FOCAD: variants seen among roughly 807,000 people sequenced by gnomAD.
The protein encoded by FOCAD is KIAA1797.
In FOCAD, 198 loss-of-function variants were observed where a neutral mutation model predicts 225.6. That is an observed-to-expected ratio of 0.88 (90% CI 0.78 to 0.99). The LOEUF (loss-of-function observed/expected upper bound fraction) is 0.99. Among genes scored for constraint, FOCAD ranks in the 50% least tolerant of loss-of-function variants. FOCAD has a pLI of 0.00. For missense variants in FOCAD, 2,713 were observed against 2,123.6 expected, an observed-to-expected ratio of 1.28 and a Z score of -5.46; for synonymous variants, 897 against 755.0, an observed-to-expected ratio of 1.19 and a Z score of -3.08.
At chr9:20,862,775 C>G in intron 16 of FOCAD, 63 bp downstream of exon 16, 1 of 1,539,604 alleles carries the variant, frequency 6.5e-7, no homozygotes, top group East Asian at 2.3e-5. Context: ...GTTATAATAA[C>G]TTTTGGAATA....
In FOCAD at chr9:20,982,437, G is replaced by C. The variant is rs1206846641; in HGVS notation, c.4719G>C (p.Gln1573His). The C allele has an allele frequency of 2.5e-6, 4 of 1,612,664 alleles. No homozygotes were observed. Among genetic ancestry groups the C allele is most frequent in the Admixed American group, 3.3e-5 (2 of 59,996 alleles). Residue 1573 changes from glutamine (Q) to histidine (H), a missense_variant, in exon 39 of 44, where the codon CAG (glutamine) becomes CAC (histidine). Gln to His is a conservative substitution (Grantham distance 24, BLOSUM62 0). Transcript: ENST00000338382. The part of the protein sequence containing the change: ...MTDDDANRIA[Q>H]VTKSNIEKAA... ...ATGATGATGCCAATCGGATCGCCCA[G>C]GTTACTAAGGTAATAACATATCTTT...
chr9:20,924,778 G>T (rs1834785609), intron 25 of FOCAD, among the ~76,000 whole-genome samples: 1 of 152,160 alleles, frequency 6.6e-6, no homozygotes, highest in South Asian at 2.1e-4. Context: ...TGTATTTTGG[G>T]AAGAACAAGA....
intron 14 of FOCAD, among the ~76,000 whole-genome samples, chr9:20,822,320 T>G (rs540821127): frequency 1.3e-5 from 2 of 152,168 alleles, no homozygotes; most frequent in East Asian, 3.9e-4. Flanking sequence ...TACATTTTGT[T>G]AATAAAAGAA....
intron 20 of FOCAD, 80 bp downstream of exon 20, chr9:20,882,136 G>T (rs1256334977): frequency 1.6e-6 from 2 of 1,270,662 alleles, no homozygotes; most frequent in Non-Finnish European, 2.2e-6. Context: ...GATATAATGG[G>T]CCATGGCAGG....
chr9:20,986,452 C>G lies in FOCAD; in HGVS notation c.4893C>G (p.Ser1631Arg). 4 of 1,609,552 alleles carry G rather than the reference C, an allele frequency of 2.5e-6. No individual in the cohort carries two copies. The highest frequency in any genetic ancestry group is 3.4e-6 in the Non-Finnish European group (4 of 1,178,392). Reference sequence around the variant, plus strand: ...GCTTATACCAGGCACGGATTGTGAGCCATGCCAATACGGGTGAGGACACCC... The same window carrying G: ...GCTTATACCAGGCACGGATTGTGAGGCATGCCAATACGGGTGAGGACACCC... ...LHSLYQARIV[S>R]HANTGVLKRM... Residue 1631 changes from serine to arginine, a missense_variant, in exon 40 of 44, where the codon AGC becomes AGG. Coordinates refer to ENST00000338382, the MANE Select transcript of FOCAD (RefSeq NM_001375567.1).
chr9:20,901,262 A>G (rs1410314178), intron 21 of FOCAD, among the ~76,000 whole-genome samples: 2 of 149,752 alleles, frequency 1.3e-5, no homozygotes, highest in East Asian at 2.0e-4. Flanking sequence ...GTGGTTCAGT[A>G]TGCATATGTG....
At chr9:20,776,479 T>C (rs1818767800) in intron 8 of FOCAD, among the ~76,000 whole-genome samples, 1 of 152,208 alleles carries the variant, frequency 6.6e-6, no homozygotes, top group South Asian at 2.1e-4. Flanking sequence ...ATCAAAAAAC[T>C]TGTAACCACT....
intron 4 of FOCAD, among the ~76,000 whole-genome samples, chr9:20,737,101 A>G (rs563854896): frequency 6.7e-6 from 1 of 148,362 alleles, no homozygotes; most frequent in African/African-American, 2.5e-5. Context: ...CTTGCTGAAA[A>G]TACAGCATTG....
At chr9:20,983,751 C>G (rs1293308266) in intron 39 of FOCAD, among the ~76,000 whole-genome samples, 1 of 152,060 alleles carries the variant, frequency 6.6e-6, no homozygotes, top group African/African-American at 2.4e-5. Flanking sequence ...TTCATAAGCT[C>G]TCTGCCTCAG....
intron 6 of FOCAD, among the ~76,000 whole-genome samples, chr9:20,760,771 C>G (rs375394907): frequency 9.9e-5 from 15 of 152,210 alleles, no homozygotes; most frequent in African/African-American, 3.4e-4. Flanking sequence ...TCATTATTCT[C>G]TGTATTAGTG....
In FOCAD at chr9:20,764,962, AG is replaced by A; in HGVS notation, c.589del (p.Ala197ProfsTer3). 1 of 1,614,136 alleles carries A rather than the reference AG, an allele frequency of 6.2e-7. No homozygotes were observed. Among genetic ancestry groups the A allele is most frequent in the Non-Finnish European group, 8.5e-7 (1 of 1,180,014 alleles). On this transcript the variant is annotated frameshift_variant, in exon 7 of 44. Transcript: ENST00000338382. LOFTEE classifies it high-confidence loss of function. ...QLQEYAKLRL[A>X]LLKVLLQPQV... ...TACAAGAATATGCTAAACTCCGACT[AG>A]CCCTGCTGAAAGTCTTACTTCAACC...
intron 39 of FOCAD, 102 bp from the exon 40 acceptor site, chr9:20,986,186 A>G (rs550438483): frequency 6.4e-6 from 7 of 1,099,528 alleles, no homozygotes; most frequent in Admixed American, 3.1e-5. Flanking sequence ...ACAGAATAGT[A>G]ACATCCAACT....
chr9:20,723,454 A>C (rs894024228), intron 4 of FOCAD, among the ~76,000 whole-genome samples: 1 of 152,194 alleles, frequency 6.6e-6, no homozygotes, highest in Non-Finnish European at 1.5e-5. Flanking sequence ...AAATTGCACC[A>C]CTGCACTCCA....
In FOCAD at chr9:20,981,525, G is replaced by A; in HGVS notation, c.4477G>A (p.Val1493Ile). The change falls in exon 38 of 44, where the codon GTT becomes ATT. Residue 1493 changes from valine to isoleucine, a missense_variant. Coordinates refer to ENST00000338382, the MANE Select transcript of FOCAD (RefSeq NM_001375567.1). ...TTTTGTTGAAAATTTAATGGTGGCA[G>A]TTTTTAAAGCAGCTTCCCCACTTGG... ...LGFVENLMVA[V>I]FKAASPLGSP... The A allele has an allele frequency of 1.9e-6, 3 of 1,614,090 alleles. No homozygotes were observed. The highest frequency in any genetic ancestry group is 1.7e-6 in the Non-Finnish European group (2 of 1,179,990).
chr9:20,951,801 G>A (rs1837711032), intron 34 of FOCAD, among the ~76,000 whole-genome samples: 2 of 152,144 alleles, frequency 1.3e-5, no homozygotes, highest in South Asian at 4.1e-4. Flanking sequence ...TAATACATCT[G>A]CTCCTTGCTC....
At chr9:20,783,445 C>T (rs1185343157) in intron 10 of FOCAD, among the ~76,000 whole-genome samples, 4 of 152,008 alleles carry the variant, frequency 2.6e-5, no homozygotes, top group Non-Finnish European at 5.9e-5. Context: ...TTTAACATGC[C>T]CCAAACTCTT....
rs563975023 is a variant in FOCAD, at chr9:20,769,970, A to G, written c.700-62A>G. ...TTACATTGTTCAAAGCTTTTTGTGT[A>G]CTTTAAAATTATCTTTTGGTTTGTG... On this transcript the variant is annotated intron_variant, in intron 7 of 43. Coordinates refer to ENST00000338382, the MANE Select transcript of FOCAD (RefSeq NM_001375567.1). The G allele has an allele frequency of 3.5e-6, 5 of 1,430,872 alleles. No homozygotes were observed. The East Asian group carries it at 9.3e-5, about 27-fold the overall frequency. The allele number at this position is 1,430,872 out of a possible 1,614,324, so 88.6% of individuals were successfully genotyped here.
chr9:20,717,556 T>C (rs1723475155), intron 2 of FOCAD, among the ~76,000 whole-genome samples: 1 of 152,232 alleles, frequency 6.6e-6, no homozygotes, highest in South Asian at 2.1e-4. Context: ...TTAACCTCTA[T>C]GCACTATAGT....
intron 33 of FOCAD, 96 bp from the exon 34 acceptor site, chr9:20,950,900 A>G (rs888991696): frequency 4.2e-5 from 43 of 1,013,348 alleles, no homozygotes; most frequent in Non-Finnish European, 6.2e-5. Context: ...CCAAGCCACC[A>G]CCTCCTAAAT....
Sources: allele counts gnomAD v4.1 joint callset (sites outside exome capture counted in the v4.1 genomes callset), GRCh38; gene constraint gnomAD v4.1.1; transcripts MANE v1.5; gene names NCBI Gene and HGNC (gene_info 2026-07-23, HGNC 2026-07-21).